ATP6V1H: variants seen among roughly 807,000 people sequenced by gnomAD.
ATP6V1H encodes V-type proton ATPase subunit H.
A neutral mutation model predicts 71.7 loss-of-function variants in ATP6V1H; 39 were observed. That is an observed-to-expected ratio of 0.54 (90% CI 0.42 to 0.71). The LOEUF (loss-of-function observed/expected upper bound fraction) is 0.71. Among genes scored for constraint, ATP6V1H ranks in the 30% least tolerant of loss-of-function variants. The pLI, the probability that ATP6V1H is intolerant of heterozygous loss-of-function variation, is 0.00. For synonymous variants in ATP6V1H, 192 were observed against 199.3 expected (o/e 0.96, Z 0.31); for missense variants, 509 against 594.9 (o/e 0.86, Z 1.50).
At chr8:53,739,483 T>C (rs1417006104) in intron 13 of ATP6V1H, 2 of 152,218 alleles carry the variant, frequency 1.3e-5, no homozygotes, top group Non-Finnish European at 2.9e-5. Context: ...CTTATTATGC[T>C]GCTTAAGAAA....
intron 12 of ATP6V1H, among the ~76,000 whole-genome samples, chr8:53,745,778 G>A (rs1189196131): frequency 2.6e-5 from 4 of 152,080 alleles, no homozygotes; most frequent in African/African-American, 9.7e-5. Flanking sequence ...AAGGACGCTT[G>A]TTTCTAGCGT....
At chr8:53,739,414 T>C (rs1410513583) in intron 13 of ATP6V1H, 1 of 151,790 alleles carries the variant, frequency 6.6e-6, no homozygotes. Flanking sequence ...GCCTGGTGAG[T>C]TTTTCTGTTA....
intron 12 of ATP6V1H, among the ~76,000 whole-genome samples, chr8:53,744,837 C>T (rs1412514639): frequency 1.3e-5 from 2 of 151,982 alleles, no homozygotes; most frequent in African/African-American, 4.8e-5. Flanking sequence ...AGCCATTTAT[C>T]AAACATGTTA....
chr8:53,790,413 A>C (rs1031426205), intron 9 of ATP6V1H, among the ~76,000 whole-genome samples: 1 of 152,204 alleles, frequency 6.6e-6, no homozygotes, highest in Non-Finnish European at 1.5e-5. Context: ...TGGTGCCAAC[A>C]ACCACCCCAC....
rs112113654 is a variant in ATP6V1H, at chr8:53,759,090, C to T, written c.1176-2434G>A. 5.3e-5 allele frequency among the ~76,000 whole-genome samples: 8 copies of T among 152,332 alleles called. 1 individual carries two copies. The highest frequency in any genetic ancestry group is 1.9e-4 in the African/African-American group (8 of 41,578). On this transcript the variant is annotated intron_variant, in intron 11 of 13. Coordinates refer to ENST00000359530, the MANE Select transcript of ATP6V1H (RefSeq NM_015941.4). Reference sequence around the variant, plus strand: ...GATCACAGACCCTAATCTAGGACTACTGAATTAGAATCTGCATTTTAACAA... The same window carrying T: ...GATCACAGACCCTAATCTAGGACTATTGAATTAGAATCTGCATTTTAACAA...
At chr8:53,763,649 T>C (rs1254454934) in intron 11 of ATP6V1H, among the ~76,000 whole-genome samples, 7 of 152,154 alleles carry the variant, frequency 4.6e-5, no homozygotes, top group Admixed American at 4.6e-4. Flanking sequence ...TTCCAGTTTC[T>C]GGTACAGCAT....
chr8:53,782,233 G>C (rs1416164439), intron 9 of ATP6V1H, among the ~76,000 whole-genome samples: 2 of 151,922 alleles, frequency 1.3e-5, no homozygotes, highest in Non-Finnish European at 2.9e-5. Context: ...GTGGTTTGTA[G>C]TTCTCCTTGA....
chr8:53,722,089 T>A (rs765423860), intron 13 of ATP6V1H, among the ~76,000 whole-genome samples: 5 of 152,214 alleles, frequency 3.3e-5, no homozygotes, highest in Non-Finnish European at 7.3e-5. Flanking sequence ...ATTCCACTAA[T>A]CAAATCTTTT....
intron 9 of ATP6V1H, among the ~76,000 whole-genome samples, chr8:53,787,099 T>C (rs1809411818): frequency 6.6e-6 from 1 of 152,226 alleles, no homozygotes; most frequent in Non-Finnish European, 1.5e-5. Context: ...TCTGTACTTA[T>C]CCATTGCAGG....
At position 53,802,654 on chromosome 8, in the gene ATP6V1H, A is replaced by G. The variant is rs574975188; in HGVS notation, c.580-758T>C. Among the ~76,000 whole-genome samples the G allele has an allele frequency of 2.9e-4, 44 of 152,256 alleles. 1 individual carries two copies. In the South Asian group the frequency reaches 8.7e-3, roughly 30 times the overall value. ...AGAATTGCTGGAATCCAGGAGGCAGAGGTTGCAGTGAGCCAAGATCACACC... is the reference window on the plus strand; with the variant it reads ...AGAATTGCTGGAATCCAGGAGGCAGGGGTTGCAGTGAGCCAAGATCACACC... On this transcript the variant is annotated intron_variant, in intron 7 of 13. Coordinates refer to ENST00000359530, the MANE Select transcript of ATP6V1H (RefSeq NM_015941.4).
At chr8:53,724,485 G>T (rs974494805) in intron 13 of ATP6V1H, among the ~76,000 whole-genome samples, 2 of 151,682 alleles carry the variant, frequency 1.3e-5, no homozygotes, top group East Asian at 3.9e-4. Flanking sequence ...GCTACATATG[G>T]CCAGAAGACT....
intron 9 of ATP6V1H, among the ~76,000 whole-genome samples, chr8:53,776,238 C>T (rs1033843003): frequency 2.0e-5 from 3 of 152,324 alleles, no homozygotes; most frequent in African/African-American, 2.4e-5. Flanking sequence ...CCAGCTGGCC[C>T]GCAAGCGCCG....
chr8:53,728,648 T>C (rs1227779315), intron 13 of ATP6V1H, among the ~76,000 whole-genome samples: 1 of 152,204 alleles, frequency 6.6e-6, no homozygotes, highest in African/African-American at 2.4e-5. Flanking sequence ...ACGGCATTTG[T>C]TAGGTGCTAC....
chr8:53,726,751 C>T (rs1247482855), intron 13 of ATP6V1H, among the ~76,000 whole-genome samples: 3 of 152,136 alleles, frequency 2.0e-5, no homozygotes, highest in Non-Finnish European at 4.4e-5. Context: ...TGCTAATTCT[C>T]TTCCCTCCAT....
chr8:53,796,788 A>G lies in ATP6V1H; in HGVS notation c.678-949T>C, dbSNP rs138022026. 2.2e-3 allele frequency among the ~76,000 whole-genome samples: 339 copies of G among 152,316 alleles called. 2 individuals are homozygous for G. The highest frequency in any genetic ancestry group is 7.9e-3 in the African/African-American group (328 of 41,578). ...GGCGGGAGAGGAGAGGATGTAATGG[A>G]AACTCTCTGCACTTTTGGTTTTTCT... is the stretch of plus-strand genomic sequence containing the variant. On this transcript the variant is annotated intron_variant, in intron 8 of 13. Coordinates refer to ENST00000359530, the MANE Select transcript of ATP6V1H (RefSeq NM_015941.4).
intron 12 of ATP6V1H, among the ~76,000 whole-genome samples, chr8:53,746,495 C>T (rs938641913): frequency 8.5e-5 from 13 of 152,058 alleles, no homozygotes; most frequent in African/African-American, 3.1e-4. Context: ...AAACTCCTGA[C>T]CTCAGGTAAT....
intron 4 of ATP6V1H, among the ~76,000 whole-genome samples, chr8:53,824,580 C>G (rs888758444): frequency 2.0e-5 from 3 of 151,940 alleles, no homozygotes; most frequent in Admixed American, 6.6e-5. Flanking sequence ...AAATCCATTA[C>G]TATAATTCAC....
chr8:53,811,307 C>T, intron 6 of ATP6V1H, 90 bp from the exon 7 acceptor site: 1 of 1,057,496 alleles, frequency 9.5e-7, no homozygotes, highest in South Asian at 1.4e-5. Context: ...CAAACTTTTC[C>T]CCTAATTCTA....
At chr8:53,818,511 C>T (rs1195045227) in intron 4 of ATP6V1H, among the ~76,000 whole-genome samples, 1 of 152,088 alleles carries the variant, frequency 6.6e-6, no homozygotes, top group Non-Finnish European at 1.5e-5. Context: ...GGTAATGAGT[C>T]ATTATTGTTT....
Sources: allele counts gnomAD v4.1 joint callset (sites outside exome capture counted in the v4.1 genomes callset), GRCh38; gene constraint gnomAD v4.1.1; transcripts MANE v1.5; gene names NCBI Gene and HGNC (gene_info 2026-07-23, HGNC 2026-07-21).